BLK: variants seen among roughly 807,000 people sequenced by gnomAD.
The protein encoded by BLK is tyrosine-protein kinase Blk.
In BLK, 64 loss-of-function variants were observed where a neutral mutation model predicts 61.8. That is an observed-to-expected ratio of 1.03 (90% CI 0.85 to 1.27). The LOEUF is 1.27. Among genes scored for constraint, BLK ranks in the 50% most tolerant of loss-of-function variants. The pLI, the probability that BLK is intolerant of heterozygous loss-of-function variation, is 0.00. For missense variants in BLK, 853 were observed against 660.5 expected (o/e 1.29, Z -3.19); for synonymous variants, 351 against 272.0 (o/e 1.29, Z -2.86).
At chr8:11,504,372 AAAAG>A in intron 1 of BLK, among the ~76,000 whole-genome samples, 1 of 15,878 alleles carries the variant, frequency 6.3e-5, no homozygotes, top group Non-Finnish European at 1.8e-4. Context: ...AGGAAGAAAG[AAAAG>A]AAAAGAAAAG....
chr8:11,539,728 A>T (rs754875295), intron 1 of BLK, among the ~76,000 whole-genome samples: 1 of 152,262 alleles, frequency 6.6e-6, no homozygotes, highest in Non-Finnish European at 1.5e-5. Flanking sequence ...TGGATTCAGC[A>T]ATGAATAAAA....
chr8:11,554,504 G>C (rs1801093257), intron 6 of BLK, among the ~76,000 whole-genome samples: 1 of 152,134 alleles, frequency 6.6e-6, no homozygotes, highest in Non-Finnish European at 1.5e-5. Context: ...GTGATTCCCT[G>C]GCTGAGTTTT....
intron 10 of BLK, chr8:11,559,715 C>T (rs1291406488): frequency 8.8e-6 from 4 of 455,458 alleles, no homozygotes; most frequent in African/African-American, 2.0e-5. Flanking sequence ...CAGATGCCAC[C>T]GGTTCCCATG....
At chr8:11,527,515 G>A (rs1410104711) in intron 1 of BLK, among the ~76,000 whole-genome samples, 1 of 150,668 alleles carries the variant, frequency 6.6e-6, no homozygotes, top group African/African-American at 2.4e-5. Flanking sequence ...ATTGACATAA[G>A]CCTAGCCCAC....
chr8:11,553,004 C>A (rs13254325), intron 6 of BLK: 56,436 of 156,418 alleles, frequency 0.36, 11,561 homozygotes, highest in East Asian at 0.88. Flanking sequence ...ATACACATGT[C>A]CACGCATGCA....
intron 1 of BLK, among the ~76,000 whole-genome samples, chr8:11,537,934 G>C (rs949359607): frequency 1.6e-4 from 24 of 152,126 alleles, no homozygotes; most frequent in African/African-American, 5.8e-4. Context: ...GTCTGCATTA[G>C]AGGGCCTAGC....
chr8:11,538,021 A>G (rs777648132), intron 1 of BLK, among the ~76,000 whole-genome samples: 6 of 152,096 alleles, frequency 3.9e-5, no homozygotes, highest in Non-Finnish European at 8.8e-5. Context: ...ACACACATGC[A>G]CACGGTGCAC....
At chr8:11,545,724 C>T (rs993454120) in intron 2 of BLK, 33 of 401,626 alleles carry the variant, frequency 8.2e-5, no homozygotes, top group East Asian at 6.9e-4. Flanking sequence ...AACAAATACC[C>T]GTTTGCAGTT....
At chr8:11,557,907 A>G (rs1264165224) in intron 9 of BLK, 55 bp from the exon 10 acceptor site, 3 of 1,547,124 alleles carry the variant, frequency 1.9e-6, no homozygotes, top group African/African-American at 2.7e-5. Context: ...AGAGGCTGGC[A>G]CCACCAGGGG....
chr8:11,525,522 T>C (rs1404609971), intron 1 of BLK, among the ~76,000 whole-genome samples: 1 of 152,236 alleles, frequency 6.6e-6, no homozygotes, highest in African/African-American at 2.4e-5. Context: ...ATCCTGGGTA[T>C]TTTTCTTTGC....
chr8:11,555,659 C>T (rs904118683), intron 8 of BLK, 175 bp downstream of exon 8: 27 of 1,037,588 alleles, frequency 2.6e-5, no homozygotes, highest in South Asian at 1.6e-4. Flanking sequence ...TGCAGAGCCG[C>T]GTTGTAACAG....
chr8:11,499,856 C>T (rs1215157932), intron 1 of BLK, among the ~76,000 whole-genome samples: 1 of 152,154 alleles, frequency 6.6e-6, no homozygotes, highest in East Asian at 1.9e-4. Flanking sequence ...GCTTTATACA[C>T]ATTTTTTTTT....
At chr8:11,504,355 GGAAGGAAGGAAGAAAGAAAAGAAAAGA>G (rs1798680405) in intron 1 of BLK, among the ~76,000 whole-genome samples, 1 of 106,832 alleles carries the variant, frequency 9.4e-6, no homozygotes, top group African/African-American at 5.2e-5. Flanking sequence ...AAGGAAGGAA[GGAAGGAAGGAAGAAAGAAAAGAAAAGA>G]AAAGAAAAGA....
rs74804818 is a variant in BLK, at chr8:11,497,057, G to C, written c.-2+2466G>C. Reference sequence around the variant, plus strand: ...CCTGGCCCCTCTTGCAGGCCCAGCAGAGCGGGTGAGCCCTACTCAAAGGTG... The same window carrying C: ...CCTGGCCCCTCTTGCAGGCCCAGCACAGCGGGTGAGCCCTACTCAAAGGTG... On this transcript the variant is annotated intron_variant, in intron 1 of 12. Transcript: ENST00000259089. Among the ~76,000 whole-genome samples, 21 of 152,100 alleles carry C rather than the reference G, an allele frequency of 1.4e-4. No individual in the cohort carries two copies. In the East Asian group the frequency reaches 3.7e-3, roughly 27 times the overall value.
intron 8 of BLK, chr8:11,555,965 C>T (rs1365187049): frequency 1.0e-5 from 3 of 292,158 alleles, no homozygotes; most frequent in South Asian, 3.6e-5. Context: ...GCCCCCTTCC[C>T]CCCCCCGCCC....
At chr8:11,542,094 G>A (rs1456979994) in intron 1 of BLK, among the ~76,000 whole-genome samples, 3 of 152,196 alleles carry the variant, frequency 2.0e-5, no homozygotes, top group Admixed American at 6.5e-5. Context: ...GCAATGACAT[G>A]AGGAATGTGC....
At chr8:11,549,758 G>A (rs2117494257) in intron 5 of BLK, among the ~76,000 whole-genome samples, 1 of 152,332 alleles carries the variant, frequency 6.6e-6, no homozygotes, top group East Asian at 1.9e-4. Flanking sequence ...TACCGAAGGG[G>A]ACATACTGGG....
chr8:11,525,505 A>G (rs901092887), intron 1 of BLK, among the ~76,000 whole-genome samples: 5 of 152,088 alleles, frequency 3.3e-5, no homozygotes, highest in Admixed American at 1.3e-4. Flanking sequence ...TCATGTAACA[A>G]TAATGTATCC....
At chr8:11,511,848 C>T (rs1799019591) in intron 1 of BLK, among the ~76,000 whole-genome samples, 1 of 152,180 alleles carries the variant, frequency 6.6e-6, no homozygotes, top group Non-Finnish European at 1.5e-5. Context: ...TAGGATAACA[C>T]TGGTTGGGAG....
Sources: gnomAD v4.1 joint callset for allele counts (sites outside exome capture counted in the v4.1 genomes callset) on GRCh38, gnomAD v4.1.1 for gene constraint, MANE v1.5 for transcripts, NCBI Gene and HGNC (gene_info 2026-07-23, HGNC 2026-07-21) for gene names.